Variants in FETUB observed in about 807,000 individuals in gnomAD.
FETUB encodes fetuin B, also known as fetuin-B.
A neutral mutation model predicts 30.9 loss-of-function variants in FETUB; 28 were observed. The observed-to-expected ratio is 0.90, with a 90% CI of 0.67 to 1.24. The LOEUF (loss-of-function observed/expected upper bound fraction) is 1.24. Ranked by LOEUF, FETUB falls within the 50% of genes most tolerant of loss-of-function variation. FETUB has a pLI of 0.00. For synonymous variants in FETUB, 186 were observed against 175.9 expected (o/e 1.06, Z -0.45); for missense variants, 469 against 455.3 (o/e 1.03, Z -0.27).
intron 5 of FETUB, among the ~76,000 whole-genome samples, chr3:186,649,956 T>C (rs1300159956): frequency 6.6e-6 from 1 of 152,172 alleles, no homozygotes; most frequent in East Asian, 1.9e-4. Context: ...TCCATGTTGA[T>C]GCAACGGACA....
At position 186,651,272 on chromosome 3, in the gene FETUB, T is replaced by C. The variant is rs1718011201; in HGVS notation, c.751T>C (p.Ser251Pro). The C allele has an allele frequency of 1.2e-6, 2 of 1,613,448 alleles. No homozygotes were observed. Among genetic ancestry groups the C allele is most frequent in the Non-Finnish European group, 1.7e-6 (2 of 1,179,384 alleles). ...LTRTHWEKFV[S>P]VTCDFFESQA... ...TCGAACACACTGGGAAAAGTTTGTC[T>C]CTGTGACTTGTGACTTCTTTGAATC... Residue 251 changes from serine to proline, a missense_variant, in exon 6 of 7, where the codon TCT (serine) becomes CCT (proline). Transcript: ENST00000265029.
intron 3 of FETUB, among the ~76,000 whole-genome samples, chr3:186,643,662 G>C (rs1717253817): frequency 6.6e-6 from 1 of 152,210 alleles, no homozygotes; most frequent in African/African-American, 2.4e-5. Context: ...GAAGTCATAA[G>C]TATCAGAGCT....
In FETUB at chr3:186,651,200, T is replaced by C. The variant is rs1235634534; in HGVS notation, c.697-18T>C. ...GATCACTGGTAATACTCACATGACA[T>C]TGTATTTTCTCTTTTAGCCTGTTGG... On this transcript the variant is annotated intron_variant, in intron 5 of 6. Coordinates refer to ENST00000265029, the MANE Select transcript of FETUB (RefSeq NM_014375.3). 4 of 1,557,998 alleles carry C rather than the reference T, an allele frequency of 2.6e-6. No individual in the cohort carries two copies. The highest frequency in any genetic ancestry group is 2.2e-5 in the East Asian group (1 of 44,586).
In FETUB at chr3:186,652,533, G is replaced by A; in HGVS notation, c.1051G>A (p.Glu351Lys). The A allele has an allele frequency of 6.2e-7, 1 of 1,614,164 alleles. No individual in the cohort carries two copies. Among genetic ancestry groups the A allele is most frequent in the Non-Finnish European group, 8.5e-7 (1 of 1,180,030 alleles). Residue 351 changes from glutamate (E) to lysine (K), a missense_variant, in exon 7 of 7, where the codon GAG (glutamate) becomes AAG (lysine). Coordinates refer to ENST00000265029, the MANE Select transcript of FETUB (RefSeq NM_014375.3). ...CTTCCTCTTCCTGGAGCCTATGGAG[G>A]AGAAGCTGGTGGTCCTGCCTTTCCC... ...ISFLFLEPME[E>K]KLVVLPFPKE...
intron 5 of FETUB, among the ~76,000 whole-genome samples, chr3:186,648,414 T>C (rs1245311341): frequency 1.3e-5 from 2 of 152,366 alleles, no homozygotes; most frequent in Admixed American, 6.5e-5. Flanking sequence ...AGTTTTGAGA[T>C]TGGAACATTT....
chr3:186,637,449 C>T (rs752678581), upstream of FETUB, among the ~76,000 whole-genome samples: 6 of 152,186 alleles, frequency 3.9e-5, no homozygotes, highest in East Asian at 7.7e-4. Context: ...TGCCTAATCA[C>T]GTGTGCTGTG....
chr3:186,652,122 C>G (rs1474515466), intron 6 of FETUB, 141 bp from the exon 7 acceptor site: 20 of 902,396 alleles, frequency 2.2e-5, no homozygotes, highest in Non-Finnish European at 3.2e-5. Context: ...GTTTTTTAAC[C>G]CTTTCACCAG....
At chr3:186,636,956 G>A (rs16860942), upstream of FETUB, among the ~76,000 whole-genome samples, 5,094 of 152,216 alleles carry the variant, frequency 0.033, 243 homozygotes, top group African/African-American at 0.12. Flanking sequence ...TGCGTTCCTA[G>A]CATCCACTCC....
chr3:186,639,402 A>T (rs573395226), upstream of FETUB, among the ~76,000 whole-genome samples: 39 of 152,284 alleles, frequency 2.6e-4, no homozygotes, highest in Admixed American at 1.0e-3. Context: ...GAATCCTTGG[A>T]CAGGGACAGG....
chr3:186,650,440 A>T (rs1267699760), intron 5 of FETUB, among the ~76,000 whole-genome samples: 1 of 152,210 alleles, frequency 6.6e-6, no homozygotes, highest in East Asian at 1.9e-4. Flanking sequence ...AAACAACAGA[A>T]AAATTAGATT....
Position 186,652,321 on chromosome 3 carries a change from A to G in FETUB, c.839A>G (p.Lys280Arg), listed in dbSNP as rs1156339450. 6.2e-7 allele frequency: 1 copy of G among 1,603,880 alleles called. No individual in the cohort carries two copies. The highest frequency in any genetic ancestry group is 8.5e-7 in the Non-Finnish European group (1 of 1,176,806). The change falls in exon 7 of 7, where the codon AAG (lysine) becomes AGG (arginine). Residue 280 changes from lysine (K) to arginine (R), a missense_variant. Transcript: ENST00000265029. ...AVNQKPTNLP[K>R]VEESQQKNTP... ...AACCAGAAACCTACAAACCTTCCCA[A>G]GGTGGAAGAATCCCAGCAGAAAAAC...
In FETUB at chr3:186,640,703, C is replaced by G; in HGVS notation, c.225+18C>G. On this transcript the variant is annotated intron_variant, in intron 1 of 6. Transcript: ENST00000265029. ...ACAGACGGGCAAGTAGGGACAGTTCCCACTCTGGGGCAGGGATGTGGGCAA... is the reference window on the plus strand; with the variant it reads ...ACAGACGGGCAAGTAGGGACAGTTCGCACTCTGGGGCAGGGATGTGGGCAA... 1 of 1,600,588 alleles carries G rather than the reference C, an allele frequency of 6.2e-7. No individual in the cohort carries two copies. The highest frequency in any genetic ancestry group is 8.6e-7 in the Non-Finnish European group (1 of 1,167,784).
chr3:186,638,986 T>A (rs1215667512), upstream of FETUB, among the ~76,000 whole-genome samples: 2 of 152,208 alleles, frequency 1.3e-5, no homozygotes. Context: ...TTTCAATCAA[T>A]CCTCAAAAAC....
At chr3:186,645,013 T>G in intron 4 of FETUB, 93 bp downstream of exon 4, 1 of 1,038,418 alleles carries the variant, frequency 9.6e-7, no homozygotes, top group South Asian at 1.7e-5. Context: ...AAGGCACTCA[T>G]TTTGATTAGA....
chr3:186,649,737 C>T (rs1043444968), intron 5 of FETUB, among the ~76,000 whole-genome samples: 3 of 152,212 alleles, frequency 2.0e-5, no homozygotes, highest in African/African-American at 7.2e-5. Context: ...TCCAAAAGTG[C>T]TGGGATTACA....
intron 3 of FETUB, among the ~76,000 whole-genome samples, chr3:186,644,124 G>A (rs530147556): frequency 2.6e-5 from 4 of 152,004 alleles, no homozygotes; most frequent in East Asian, 1.9e-4. Flanking sequence ...TCCTTGTGTC[G>A]GGAACATTCA....
intron 5 of FETUB, among the ~76,000 whole-genome samples, chr3:186,650,989 G>A (rs1470472591): frequency 1.3e-5 from 2 of 152,198 alleles, no homozygotes; most frequent in African/African-American, 4.8e-5. Flanking sequence ...AACAAACAGA[G>A]TTTCATTCCT....
intron 3 of FETUB, 28 bp from the exon 4 acceptor site, chr3:186,644,723 T>C: frequency 1.3e-6 from 2 of 1,563,912 alleles, no homozygotes; most frequent in Non-Finnish European, 8.7e-7. Flanking sequence ...TAATAGCATT[T>C]AAAAACTTAT....
At position 186,640,459 on chromosome 3, in the gene FETUB, G is replaced by A. The variant is rs750223269; in HGVS notation, c.-2G>A. 3 of 1,613,708 alleles carry A rather than the reference G, an allele frequency of 1.9e-6. No homozygotes were observed. The highest frequency in any genetic ancestry group is 1.7e-6 in the Non-Finnish European group (2 of 1,179,606). On this transcript the variant is annotated 5_prime_UTR_variant, in exon 1 of 7. Coordinates refer to ENST00000265029, the MANE Select transcript of FETUB (RefSeq NM_014375.3). ...CCCATCCTGGGCCTTGTTCTCCACA[G>A]AATGGGTCTGCTCCTTCCCCTGGCA...
Sources: gnomAD v4.1 joint callset for allele counts (sites outside exome capture counted in the v4.1 genomes callset) on GRCh38, gnomAD v4.1.1 for gene constraint, MANE v1.5 for transcripts, NCBI Gene and HGNC (gene_info 2026-07-23, HGNC 2026-07-21) for gene names.